The following SEC24D variants were observed in gnomAD, a reference collection of about 807,000 sequenced individuals.
SEC24D encodes SEC24 homolog D, COPII component.
SEC24D carries 69 observed loss-of-function variants against 116.9 expected under a neutral mutation model. The observed-to-expected ratio is 0.59, with a 90% CI of 0.49 to 0.72. The LOEUF (loss-of-function observed/expected upper bound fraction) is 0.72, where lower values mean the gene tolerates loss of function less well. Ranked by LOEUF, SEC24D falls within the 30% of genes least tolerant of loss-of-function variation. The probability of loss-of-function intolerance (pLI) is 0.00; values close to 1 mark genes in which losing one functional copy is unlikely to be tolerated. For missense variants in SEC24D, 1,131 were observed against 1,264.1 expected, an observed-to-expected ratio of 0.89 and a Z score of 1.60; for synonymous variants, 405 against 442.8, an observed-to-expected ratio of 0.91 and a Z score of 1.07.
Position 118,815,106 on chromosome 4 carries a change from G to A in SEC24D, c.723C>T (p.Gly241=), listed in dbSNP as rs748374069. The A allele has an allele frequency of 6.2e-7, 1 of 1,614,094 alleles. No individual in the cohort carries two copies. The highest frequency in any genetic ancestry group is 1.1e-5 in the South Asian group (1 of 91,080). Residue 241 remains glycine (G), a synonymous_variant, in exon 6 of 23, where the codon GGC becomes GGT. Coordinates refer to ENST00000280551, the MANE Select transcript of SEC24D (RefSeq NM_014822.4). The stretch of plus-strand genomic sequence containing the variant: ...CCATCTGTGCAGGACCTCCAGGGAA[G>A]CCTCCTGGGTAAGACAGTTGTGCGC... ...MAGAQLSYPG[G]FPGGPAQMAG...
intron 4 of SEC24D, among the ~76,000 whole-genome samples, chr4:118,816,353 A>C (rs1419208307): frequency 2.0e-5 from 3 of 152,226 alleles, no homozygotes; most frequent in Admixed American, 2.0e-4. Flanking sequence ...TATCTGGTAC[A>C]AATCTAGAAA....
At chr4:118,800,156 T>C (rs911934959) in intron 7 of SEC24D, among the ~76,000 whole-genome samples, 21 of 151,960 alleles carry the variant, frequency 1.4e-4, no homozygotes, top group African/African-American at 4.8e-4. Context: ...GTGGGGTGCA[T>C]GGAATTTCCT....
chr4:118,824,594 C>T (rs779277316), intron 3 of SEC24D, 26 bp downstream of exon 3: 114 of 1,590,080 alleles, frequency 7.2e-5, no homozygotes, highest in Non-Finnish European at 9.5e-5. Context: ...AATATACAAA[C>T]GAAGGTTGGA....
intron 7 of SEC24D, among the ~76,000 whole-genome samples, chr4:118,802,191 C>A (rs1290370753): frequency 6.6e-6 from 1 of 152,160 alleles, no homozygotes; most frequent in East Asian, 1.9e-4. Flanking sequence ...GGATGAGGTG[C>A]TTGAACAGGG....
chr4:118,797,986 T>G (rs1169487869), intron 7 of SEC24D, among the ~76,000 whole-genome samples, 176 bp from the exon 8 acceptor site: 2 of 152,226 alleles, frequency 1.3e-5, no homozygotes, highest in African/African-American at 4.8e-5. Context: ...CAATCTATAT[T>G]CTAGGCATAC....
At chr4:118,823,928 A>G (rs138225111) in intron 3 of SEC24D, among the ~76,000 whole-genome samples, 107 of 152,288 alleles carry the variant, frequency 7.0e-4, no homozygotes, top group African/African-American at 2.6e-3. Flanking sequence ...CTTATTAAGC[A>G]CCCATTGGCA....
At chr4:118,749,927 T>G (rs1240462526) in intron 13 of SEC24D, among the ~76,000 whole-genome samples, 1 of 152,246 alleles carries the variant, frequency 6.6e-6, no homozygotes, top group Non-Finnish European at 1.5e-5. Context: ...TTTATAAAGA[T>G]AGTTCATTCT....
chr4:118,773,916 AG>A (rs1421100712), intron 8 of SEC24D, among the ~76,000 whole-genome samples: 2 of 152,216 alleles, frequency 1.3e-5, no homozygotes, highest in Non-Finnish European at 2.9e-5. Flanking sequence ...TATTCTATTT[AG>A]AATTTTTTAA....
chr4:118,787,176 T>C (rs189151067), intron 8 of SEC24D, among the ~76,000 whole-genome samples: 220 of 152,312 alleles, frequency 1.4e-3, no homozygotes, highest in African/African-American at 4.9e-3. Context: ...TCTTAAGAGA[T>C]GAGATTCAGT....
rs1468639787 is a variant in SEC24D at position 118,740,663 on chromosome 4, C to T, written c.2238G>A (p.Gln746=). ...KLSEDSGALI[Q]CAVLYTTISG... is the part of the protein sequence containing the mutation. ...AAGGTGGGAATACACTTTCAATCAC[C>T]TGGATTAAGGCTCCACTGTCTTCAC... The change falls in exon 17 of 23, where the codon CAG becomes CAA. Residue 746 remains glutamine, a splice_region_variant and synonymous_variant. Transcript: ENST00000280551. 1 of 1,613,424 alleles carries T rather than the reference C, an allele frequency of 6.2e-7. No homozygotes were observed. Among genetic ancestry groups the T allele is most frequent in the South Asian group, 1.1e-5 (1 of 90,976 alleles).
At position 118,813,450 on chromosome 4, in the gene SEC24D, T is replaced by G. The variant is rs148579865; in HGVS notation, c.801+1578A>C. Among the ~76,000 whole-genome samples the G allele has an allele frequency of 5.0e-3, 767 of 152,326 alleles. 6 individuals carry two copies. Among genetic ancestry groups the G allele is most frequent in the African/African-American group, 0.015 (628 of 41,566 alleles). On this transcript the variant is annotated intron_variant, in intron 6 of 22. Transcript: ENST00000280551. ...TGAGGGGCCACATGTGGTGACAGCC[T>G]TCTTCTGGTGGAGACTCTGCAGAAT... is the stretch of plus-strand genomic sequence containing the variant.
At position 118,752,896 on chromosome 4, in the gene SEC24D, GAA is replaced by G. The variant is rs71595318; in HGVS notation, c.1422-10_1422-9del. 13 of 1,401,954 alleles carry G rather than the reference GAA, an allele frequency of 9.3e-6. No homozygotes were observed. Among genetic ancestry groups the G allele is most frequent in the Admixed American group, 5.3e-5 (2 of 37,608 alleles). The allele number at this position is 1,401,954 out of a possible 1,614,324, so 86.8% of individuals were successfully genotyped here. On this transcript the variant is annotated splice_polypyrimidine_tract_variant and intron_variant, in intron 11 of 22. Transcript: ENST00000280551. ...GTCTCTTCTTGCTCTTCCCTGTAAG[GAA>G]AAAAAAAAGTGTTTGAGATGCTTTA... is the stretch of plus-strand genomic sequence containing the variant.
At chr4:118,774,471 G>C (rs1486361752) in intron 8 of SEC24D, among the ~76,000 whole-genome samples, 1 of 152,194 alleles carries the variant, frequency 6.6e-6, no homozygotes, top group Non-Finnish European at 1.5e-5. Context: ...AACCCAGGGA[G>C]TGGGGAATTC....
intron 22 of SEC24D, among the ~76,000 whole-genome samples, chr4:118,725,516 A>G (rs1725362985): frequency 6.6e-6 from 1 of 152,182 alleles, no homozygotes; most frequent in South Asian, 2.1e-4. Context: ...GAAAGACTTG[A>G]AGTTCCAATT....
At chr4:118,816,848 G>A (rs1416857737) in intron 4 of SEC24D, 1 of 454,860 alleles carries the variant, frequency 2.2e-6, no homozygotes, top group Non-Finnish European at 4.4e-6. Flanking sequence ...CTCTTTCCAT[G>A]ATCTAAACAC....
intron 3 of SEC24D, among the ~76,000 whole-genome samples, chr4:118,820,097 G>A (rs1553931056): frequency 6.6e-6 from 1 of 151,724 alleles, no homozygotes; most frequent in Non-Finnish European, 1.5e-5. Context: ...GTATTAAATG[G>A]CTAACAAACC....
rs964771119 is a variant in SEC24D, at chr4:118,754,204, C to T, written c.1422-1316G>A. On this transcript the variant is annotated intron_variant, in intron 11 of 22. Transcript: ENST00000280551. ...TTGGAAACTGTTTATATTCTGGACA[C>T]TTGCAAAGCTTTCAGAAATGAGAAT... 4 of 152,108 alleles carry T rather than the reference C, an allele frequency of 2.6e-5. No individual in the cohort carries two copies. The East Asian group carries it at 7.7e-4, about 29-fold the overall frequency. 9.4% of individuals were successfully genotyped at this position (152,108 alleles called of 1,614,324 possible).
chr4:118,752,571 T>C, intron 12 of SEC24D, 126 bp downstream of exon 12: 2 of 643,512 alleles, frequency 3.1e-6, no homozygotes, highest in Non-Finnish European at 2.6e-6. Context: ...AATGATAGAG[T>C]TTTATAATCT....
At chr4:118,733,000 G>C in intron 19 of SEC24D, 88 bp from the exon 20 acceptor site, 1 of 1,175,642 alleles carries the variant, frequency 8.5e-7, no homozygotes, top group Admixed American at 1.9e-5. Context: ...AACATTATTT[G>C]CTTCTGAACT....
Sources: gnomAD v4.1 joint callset for allele counts (sites outside exome capture counted in the v4.1 genomes callset) on GRCh38, gnomAD v4.1.1 for gene constraint, MANE v1.5 for transcripts, NCBI Gene and HGNC (gene_info 2026-07-23, HGNC 2026-07-21) for gene names.